Variants in CSTPP1 observed in about 807,000 individuals in gnomAD.
The protein encoded by CSTPP1 is centriolar satellite-associated tubulin polyglutamylase complex regulator 1.
the CSTPP1 span, among the ~76,000 whole-genome samples, chr11:47,096,829 T>G: frequency 1.4e-5 from 2 of 148,136 alleles, no homozygotes; most frequent in African/African-American, 4.9e-5. Context: ...AAAAAAAAAG[T>G]TACTATCAAA....
chr11:47,074,846 G>A, the CSTPP1 span, among the ~76,000 whole-genome samples: 1 of 152,172 alleles, frequency 6.6e-6, no homozygotes, highest in African/African-American at 2.4e-5. Flanking sequence ...AAGATATACA[G>A]GGAGCTCCCT....
the CSTPP1 span, among the ~76,000 whole-genome samples, chr11:47,104,003 C>T: frequency 6.6e-6 from 1 of 152,118 alleles, no homozygotes; most frequent in African/African-American, 2.4e-5. Flanking sequence ...TCCTCAGTCT[C>T]TGACTCTTCC....
At chr11:47,115,718 C>G in the CSTPP1 span, among the ~76,000 whole-genome samples, 1 of 150,380 alleles carries the variant, frequency 6.6e-6, no homozygotes. Flanking sequence ...CTTTATTCAT[C>G]TTGCTAGCGG....
the CSTPP1 span, among the ~76,000 whole-genome samples, chr11:47,080,278 A>C: frequency 6.6e-6 from 1 of 152,018 alleles, no homozygotes; most frequent in Non-Finnish European, 1.5e-5. Flanking sequence ...ACATGGTGAA[A>C]CCCTGTCTCT....
chr11:47,038,833 T>C, the CSTPP1 span, among the ~76,000 whole-genome samples: 2 of 103,360 alleles, frequency 1.9e-5, 1 homozygote, highest in Non-Finnish European at 4.5e-5. Context: ...GACGGGGCGG[T>C]TGCCAGGCAG....
chr11:47,024,154 G>C, the CSTPP1 span, among the ~76,000 whole-genome samples: 2 of 151,540 alleles, frequency 1.3e-5, no homozygotes, highest in African/African-American at 4.9e-5. Flanking sequence ...TGACCTCTTG[G>C]GCTCAAGAGA....
the CSTPP1 span, among the ~76,000 whole-genome samples, chr11:47,158,842 CTTTT>C: frequency 1.3e-5 from 2 of 152,132 alleles, no homozygotes; most frequent in Non-Finnish European, 2.9e-5. Flanking sequence ...GCAAGGAGTT[CTTTT>C]TTGTGTCTCG....
chr11:46,939,451 A>G, the CSTPP1 span, among the ~76,000 whole-genome samples: 1 of 152,046 alleles, frequency 6.6e-6, no homozygotes, highest in African/African-American at 2.4e-5. Flanking sequence ...TTAAAAATTA[A>G]TTTTAAAATA....
the CSTPP1 span, among the ~76,000 whole-genome samples, chr11:47,110,918 C>A: frequency 2.6e-5 from 3 of 117,050 alleles, no homozygotes; most frequent in African/African-American, 9.1e-5. Flanking sequence ...GAGACAGAGT[C>A]TAGCTCTGCC....
the CSTPP1 span, among the ~76,000 whole-genome samples, chr11:47,007,000 G>GT: frequency 4.3e-5 from 6 of 138,928 alleles, no homozygotes; most frequent in African/African-American, 1.6e-4. Context: ...CATTTTGTGT[G>GT]GTTTTTTTTT....
the CSTPP1 span, among the ~76,000 whole-genome samples, chr11:46,961,584 G>A: frequency 2.0e-5 from 3 of 151,974 alleles, no homozygotes; most frequent in African/African-American, 4.8e-5. Context: ...TTTTGATGAA[G>A]TCCAATTTAT....
the CSTPP1 span, among the ~76,000 whole-genome samples, chr11:47,060,275 T>G: frequency 6.8e-6 from 1 of 146,870 alleles, no homozygotes; most frequent in African/African-American, 2.5e-5. Context: ...TTTTTTTTTT[T>G]TTTGTTTGAG....
the CSTPP1 span, chr11:47,157,150 G>A: frequency 5.0e-6 from 8 of 1,613,424 alleles, no homozygotes; most frequent in South Asian, 3.3e-5. Flanking sequence ...GGGCCGGCAC[G>A]CTGGAGGGCG....
the CSTPP1 span, among the ~76,000 whole-genome samples, chr11:47,131,416 A>G: frequency 2.6e-5 from 4 of 152,268 alleles, no homozygotes; most frequent in African/African-American, 9.6e-5. Flanking sequence ...AAGGCAGACC[A>G]GATGTCAAAA....
chr11:47,067,415 C>A, the CSTPP1 span, among the ~76,000 whole-genome samples: 2 of 152,108 alleles, frequency 1.3e-5, no homozygotes, highest in Admixed American at 6.6e-5. Flanking sequence ...GTCTGCCCCC[C>A]CCAAATTCCC....
chr11:46,978,239 T>A, the CSTPP1 span, among the ~76,000 whole-genome samples: 13 of 152,308 alleles, frequency 8.5e-5, no homozygotes, highest in South Asian at 2.7e-3. Flanking sequence ...AATAACTGTG[T>A]ATCAAGGTAG....
the CSTPP1 span, among the ~76,000 whole-genome samples, chr11:47,150,454 A>G: frequency 6.6e-6 from 1 of 152,184 alleles, no homozygotes; most frequent in Non-Finnish European, 1.5e-5. Context: ...GCAGGGAGAC[A>G]GAGGTGTCAC....
At chr11:47,164,323 C>A in the CSTPP1 span, 1 of 1,453,250 alleles carries the variant, frequency 6.9e-7, no homozygotes, top group South Asian at 1.4e-5. Flanking sequence ...AACAGGGAGC[C>A]AGGCCCTGCA....
the CSTPP1 span, among the ~76,000 whole-genome samples, chr11:46,995,442 C>T: frequency 6.6e-6 from 1 of 152,210 alleles, no homozygotes; most frequent in Non-Finnish European, 1.5e-5. Flanking sequence ...CTACACACTG[C>T]TTTAAATGTG....
Sources: allele counts gnomAD v4.1 joint callset (sites outside exome capture counted in the v4.1 genomes callset), GRCh38; gene constraint gnomAD v4.1.1; transcripts MANE v1.5; gene names NCBI Gene and HGNC (gene_info 2026-07-23, HGNC 2026-07-21).